NBPF9: variants seen among roughly 807,000 people sequenced by gnomAD.
NBPF9 encodes NBPF member 9, also known as NBPF family member NBPF9.
In NBPF9, 91 loss-of-function variants were observed where a neutral mutation model predicts 97.8. That is an observed-to-expected ratio of 0.93 (90% CI 0.79 to 1.11). NBPF9 has a LOEUF of 1.11. Ranked by LOEUF, NBPF9 falls within the 50% of genes least tolerant of loss-of-function variation. The pLI, the probability that NBPF9 is intolerant of heterozygous loss-of-function variation, is 0.00. For missense variants in NBPF9, 992 were observed against 939.5 expected (o/e 1.06, Z -0.73); for synonymous variants, 334 against 359.5 (o/e 0.93, Z 0.80).
chr1:149,060,863 T>C (rs2078544922), intron 23 of NBPF9, 168 bp from the exon 24 acceptor site: 1 of 405,106 alleles, frequency 2.5e-6, no homozygotes, highest in Admixed American at 4.1e-5. Flanking sequence ...CGGGGCCAAA[T>C]GGAAAAGAAT....
intron 4 of NBPF9, among the ~76,000 whole-genome samples, chr1:149,097,324 T>C (rs2081846509): frequency 6.6e-6 from 1 of 152,206 alleles, no homozygotes; most frequent in Non-Finnish European, 1.5e-5. Context: ...TGTAAAACTA[T>C]ATACTGTTTC....
chr1:149,071,096 G>A, exon 16 of NBPF9: 1 of 1,609,086 alleles, frequency 6.2e-7, no homozygotes, highest in Non-Finnish European at 8.5e-7. Context: ...CATTCCTCCA[G>A]TGAGTCCTCA....
At chr1:149,055,858 A>C (rs782040094) in exon 30 of NBPF9, 12 of 1,607,730 alleles carry the variant, frequency 7.5e-6, no homozygotes, top group African/African-American at 5.4e-5. Context: ...TGAGTCCTGC[A>C]AGACTTCAGG....
At chr1:149,062,464 GGA>G (rs782745315) in intron 21 of NBPF9, among the ~76,000 whole-genome samples, 199 bp from the exon 22 acceptor site, 9 of 142,798 alleles carry the variant, frequency 6.3e-5, no homozygotes, top group African/African-American at 1.8e-4. Context: ...ACAGGGAGAG[GGA>G]GAGAGAGAGA....
intron 18 of NBPF9, chr1:149,064,743 G>A: frequency 4.9e-6 from 3 of 618,160 alleles, no homozygotes; most frequent in South Asian, 2.0e-5. Flanking sequence ...GTACACAAAT[G>A]CGCGATTTTT....
exon 9 of NBPF9, chr1:149,079,215 A>G (rs782715966): frequency 4.7e-5 from 39 of 837,894 alleles, no homozygotes; most frequent in Non-Finnish European, 7.1e-5. Flanking sequence ...CCAGGACTTT[A>G]TATTGCCTAA....
At position 149,079,076 on chromosome 1, in the gene NBPF9, G is replaced by A. The variant is rs781915172; in HGVS notation, c.424C>T (p.Gln142Ter). 1.6e-5 allele frequency: 22 copies of A among 1,417,740 alleles called. No homozygotes were observed. In the East Asian group the frequency reaches 2.8e-4, roughly 18 times the overall value. 87.8% of individuals were successfully genotyped at this position (1,417,740 alleles called of 1,614,324 possible). A position where few individuals can be genotyped will look rare whatever the true frequency, so the allele number is the denominator to read the frequency against. Residue 142 changes from glutamine to a stop codon, truncating the protein, a stop_gained, in exon 9 of 30, where the codon CAG becomes TAG. Transcript: ENST00000584027. LOFTEE classifies it high-confidence loss of function. ...TCAGCCAGCTGTTCTTGGAGGTCCTGCCCCTGGGACTTGTCCGGCTCATCC... is the reference window on the plus strand; with the variant it reads ...TCAGCCAGCTGTTCTTGGAGGTCCTACCCCTGGGACTTGTCCGGCTCATCC...
Position 149,082,999 on chromosome 1 carries a change from C to T in NBPF9, c.-194-569G>A, listed in dbSNP as rs1455016078. The stretch of plus-strand genomic sequence containing the variant: ...TTTTTTTTTGTATTTTTAGTAGAGA[C>T]GGGGTTTCACTGTGTTAGCCACGAT... On this transcript the variant is annotated intron_variant, in intron 5 of 29. Transcript: ENST00000584027. Among the ~76,000 whole-genome samples the T allele has an allele frequency of 1.3e-4, 13 of 101,768 alleles. 1 individual carries two copies. In the South Asian group the frequency reaches 3.4e-3, roughly 27 times the overall value. 66.8% of individuals were successfully genotyped at this position (101,768 alleles called of 152,430 possible).
chr1:149,089,761 G>C (rs1280100179), intron 5 of NBPF9, among the ~76,000 whole-genome samples: 3 of 152,304 alleles, frequency 2.0e-5, no homozygotes, highest in Non-Finnish European at 4.4e-5. Flanking sequence ...GTATTATAAA[G>C]GGCTAGTTTA....
At chr1:149,055,594 A>C in exon 30 of NBPF9, 3 of 1,576,462 alleles carry the variant, frequency 1.9e-6, no homozygotes, top group Non-Finnish European at 2.6e-6. Flanking sequence ...TTTCATTCAA[A>C]ACTTCACGTG....
intron 12 of NBPF9, among the ~76,000 whole-genome samples, chr1:149,074,447 G>T (rs1423960975): frequency 1.3e-5 from 2 of 151,596 alleles, no homozygotes; most frequent in Non-Finnish European, 2.9e-5. Flanking sequence ...AATAAAGTTT[G>T]TGTTAATTTA....
chr1:149,069,678 A>C, intron 16 of NBPF9, 33 bp from the exon 17 acceptor site: 1 of 779,722 alleles, frequency 1.3e-6, no homozygotes. Flanking sequence ...AGGTCACATT[A>C]AGCAATTCAT....
At chr1:149,087,350 C>T (rs1466250924) in intron 5 of NBPF9, among the ~76,000 whole-genome samples, 1 of 148,462 alleles carries the variant, frequency 6.7e-6, no homozygotes, top group African/African-American at 2.5e-5. Context: ...CACACACACA[C>T]GTTTGTGTGT....
At chr1:149,103,510 G>A (rs1240271016) in exon 1 of NBPF9, 2 of 152,378 alleles carry the variant, frequency 1.3e-5, no homozygotes, top group African/African-American at 4.8e-5. Context: ...CCAGCCCATA[G>A]CCTGCGGCCA....
intron 5 of NBPF9, among the ~76,000 whole-genome samples, chr1:149,087,084 G>GT (rs1339226500): frequency 3.3e-5 from 5 of 151,808 alleles, no homozygotes; most frequent in African/African-American, 1.2e-4. Context: ...ATATGTACTG[G>GT]TATCTCATTG....
exon 8 of NBPF9, chr1:149,080,088 C>T: frequency 1.4e-6 from 2 of 1,449,284 alleles, no homozygotes; most frequent in South Asian, 2.3e-5. Flanking sequence ...GCTCTGCAAG[C>T]TTCTCCTCCT....
chr1:149,075,448 C>G (rs1424020338), intron 12 of NBPF9, among the ~76,000 whole-genome samples: 2 of 152,112 alleles, frequency 1.3e-5, no homozygotes, highest in Non-Finnish European at 2.9e-5. Context: ...TCTAGTCCCA[C>G]CCCCACCTGA....
intron 14 of NBPF9, among the ~76,000 whole-genome samples, chr1:149,072,373 GA>G (rs1387729135): frequency 6.6e-6 from 1 of 152,138 alleles, no homozygotes; most frequent in Non-Finnish European, 1.5e-5. Flanking sequence ...GAACATTGCC[GA>G]AAAGACAGCC....
rs1455986319 is a variant in NBPF9 at position 149,062,316 on chromosome 1, C to A, written c.2079-51G>T. ...ATAAGCCAGGGGGAATCAGAAACCA[C>A]ACAGCCCCAGCTAGATTTCATGGCT... On this transcript the variant is annotated intron_variant, in intron 21 of 29. Transcript: ENST00000584027. 9 of 620,536 alleles carry A rather than the reference C, an allele frequency of 1.5e-5. 1 individual carries two copies. In the African/African-American group the frequency reaches 1.6e-4, roughly 11 times the overall value. 38.4% of individuals were successfully genotyped at this position (620,536 alleles called of 1,614,324 possible).
Sources: gnomAD v4.1 joint callset for allele counts (sites outside exome capture counted in the v4.1 genomes callset) on GRCh38, gnomAD v4.1.1 for gene constraint, MANE v1.5 for transcripts, NCBI Gene and HGNC (gene_info 2026-07-23, HGNC 2026-07-21) for gene names.